DCP1B: variants seen among roughly 807,000 people sequenced by gnomAD.
DCP1B encodes decapping mRNA 1B.
Under a neutral mutation model 60.5 loss-of-function variants are expected in DCP1B, and 47 were observed. The observed-to-expected ratio is 0.78, with a 90% CI of 0.61 to 0.99. The LOEUF is 0.99. Ranked by LOEUF, DCP1B falls within the 50% of genes least tolerant of loss-of-function variation. The pLI, the probability that DCP1B is intolerant of heterozygous loss-of-function variation, is 0.00. For missense variants in DCP1B, 725 were observed against 756.8 expected (o/e 0.96, Z 0.49); for synonymous variants, 267 against 280.3 (o/e 0.95, Z 0.47).
At chr12:1,955,628 T>C in intron 5 of DCP1B, 68 bp from the exon 6 acceptor site, 1 of 1,501,666 alleles carries the variant, frequency 6.7e-7, no homozygotes, top group Non-Finnish European at 9.0e-7. Context: ...AAAGACTACC[T>C]TTTTACTTCT....
intron 3 of DCP1B, among the ~76,000 whole-genome samples, chr12:1,972,938 G>A (rs1374211934): frequency 2.6e-5 from 4 of 152,138 alleles, no homozygotes; most frequent in African/African-American, 4.8e-5. Context: ...CAGCAATGAC[G>A]CTGCCTGTGT....
At chr12:1,997,300 G>A (rs1393456405) in intron 2 of DCP1B, among the ~76,000 whole-genome samples, 2 of 152,128 alleles carry the variant, frequency 1.3e-5, no homozygotes, top group Non-Finnish European at 1.5e-5. Flanking sequence ...AGGCCAAGGC[G>A]GGTGGATCAC....
intron 2 of DCP1B, 117 bp from the exon 3 acceptor site, chr12:1,993,508 T>C (rs1593255034): frequency 2.3e-6 from 3 of 1,278,324 alleles, no homozygotes; most frequent in South Asian, 1.5e-5. Context: ...TGCAGCTTTA[T>C]ATAAGCAGCC....
chr12:1,955,654 C>G, intron 5 of DCP1B, 94 bp from the exon 6 acceptor site: 1 of 1,379,460 alleles, frequency 7.2e-7, no homozygotes, highest in Non-Finnish European at 9.7e-7. Context: ...AATTGGTAGA[C>G]GGCTGTGTTT....
rs1301101541 is a variant in DCP1B, at chr12:1,946,301, G to A, written c.1774-15C>T. On this transcript the variant is annotated splice_polypyrimidine_tract_variant and intron_variant, in intron 8 of 8. Coordinates refer to ENST00000280665, the MANE Select transcript of DCP1B (RefSeq NM_152640.5). Reference sequence around the variant, plus strand: ...TTGTCATCATTCTGGAAAACAAATCGAAAGACCCAAGAGAATGTTACTTGG... The same window carrying A: ...TTGTCATCATTCTGGAAAACAAATCAAAAGACCCAAGAGAATGTTACTTGG... The A allele has an allele frequency of 1.9e-6, 3 of 1,590,712 alleles. No individual in the cohort carries two copies. Among genetic ancestry groups the A allele is most frequent in the Non-Finnish European group, 2.6e-6 (3 of 1,168,472 alleles).
chr12:1,976,525 TC>T (rs2034415091), intron 3 of DCP1B, among the ~76,000 whole-genome samples: 1 of 152,182 alleles, frequency 6.6e-6, no homozygotes, highest in African/African-American at 2.4e-5. Context: ...CGGCTCCCAT[TC>T]CTCACTGCTC....
In DCP1B at chr12:1,952,264, C is replaced by T; in HGVS notation, c.1524+152G>A. On this transcript the variant is annotated intron_variant, in intron 7 of 8. Coordinates refer to ENST00000280665, the MANE Select transcript of DCP1B (RefSeq NM_152640.5). The stretch of plus-strand genomic sequence containing the variant: ...TCATGGTTCACTGTAACCTCCGCCT[C>T]TTGAGCTCAAGGGATCCTCCCACCT... 2 of 954,164 alleles carry T rather than the reference C, an allele frequency of 2.1e-6. 1 individual carries two copies. The highest frequency in any genetic ancestry group is 5.0e-5 in the South Asian group (2 of 40,188). The allele number at this position is 954,164 out of a possible 1,614,324, so 59.1% of individuals were successfully genotyped here. A position where few individuals can be genotyped will look rare whatever the true frequency, so the allele number is the denominator to read the frequency against.
intron 3 of DCP1B, among the ~76,000 whole-genome samples, chr12:1,983,870 C>T (rs970176853): frequency 2.0e-5 from 3 of 151,872 alleles, no homozygotes; most frequent in Admixed American, 6.6e-5. Flanking sequence ...CTTCTCCTTT[C>T]GGTTCTATCA....
intron 1 of DCP1B, among the ~76,000 whole-genome samples, chr12:1,998,913 C>T (rs1361792530): frequency 6.6e-6 from 1 of 152,148 alleles, no homozygotes; most frequent in African/African-American, 2.4e-5. Context: ...AATTTAAGTA[C>T]TCTGTAATTC....
At chr12:1,980,378 C>G (rs1413224144) in intron 3 of DCP1B, among the ~76,000 whole-genome samples, 3 of 152,096 alleles carry the variant, frequency 2.0e-5, no homozygotes, top group African/African-American at 4.8e-5. Context: ...TGTATATCTT[C>G]TTTTTAAAAG....
In DCP1B at chr12:2,004,427, GCCATCTTC is replaced by G; in HGVS notation, c.-4_4del. The stretch of plus-strand genomic sequence containing the variant: ...CACCAGGCCGCCTGCCGCCACGGCT[GCCATCTTC>G]CCTCCCTCCCAGACATAGGCACGGG... On this transcript the variant is annotated start_lost and 5_prime_UTR_variant, in exon 1 of 9. Coordinates refer to ENST00000280665, the MANE Select transcript of DCP1B (RefSeq NM_152640.5). The G allele has an allele frequency of 6.2e-7, 1 of 1,608,740 alleles. No homozygotes were observed. The highest frequency in any genetic ancestry group is 8.5e-7 in the Non-Finnish European group (1 of 1,178,036).
chr12:1,998,560 T>G (rs1253759983), intron 1 of DCP1B, among the ~76,000 whole-genome samples: 2 of 152,190 alleles, frequency 1.3e-5, no homozygotes, highest in African/African-American at 4.8e-5. Flanking sequence ...TGACCCGAGA[T>G]CACTGAAGTA....
At chr12:1,951,404 A>T (rs1717448276) in intron 7 of DCP1B, among the ~76,000 whole-genome samples, 1 of 152,276 alleles carries the variant, frequency 6.6e-6, no homozygotes, top group South Asian at 2.1e-4. Context: ...TCCAAAGGGA[A>T]AACAATTCAA....
intron 7 of DCP1B, 25 bp from the exon 8 acceptor site, chr12:1,949,359 G>A (rs184470914): frequency 1.9e-6 from 3 of 1,608,268 alleles, no homozygotes; most frequent in African/African-American, 2.7e-5. Context: ...TACACACAGA[G>A]AGCGGGGTTC....
At chr12:1,975,213 T>C (rs1041530956) in intron 3 of DCP1B, among the ~76,000 whole-genome samples, 1 of 152,162 alleles carries the variant, frequency 6.6e-6, no homozygotes, top group Non-Finnish European at 1.5e-5. Context: ...AAACCCTTTA[T>C]GTTTAAACAG....
intron 1 of DCP1B, among the ~76,000 whole-genome samples, chr12:2,000,309 A>G (rs2041890568): frequency 6.6e-6 from 1 of 152,202 alleles, no homozygotes; most frequent in Non-Finnish European, 1.5e-5. Flanking sequence ...CACTCCCCAC[A>G]AGATCAAAAC....
At chr12:1,986,863 T>C (rs1203417608) in intron 3 of DCP1B, among the ~76,000 whole-genome samples, 1 of 152,232 alleles carries the variant, frequency 6.6e-6, no homozygotes, top group African/African-American at 2.4e-5. Context: ...CCAGAACTTT[T>C]AGTTGTAAAC....
rs1407456999 is a variant in DCP1B, at chr12:1,993,026, C to T, written c.319+238G>A. The T allele has an allele frequency of 7.6e-6, 5 of 657,116 alleles. No homozygotes were observed. In the Admixed American group the frequency reaches 1.3e-4, roughly 17 times the overall value. 40.7% of individuals were successfully genotyped at this position (657,116 alleles called of 1,614,324 possible). ...GGGTTCACACTACAAATCCATAAAG[C>T]TTCAAAAGACAGGGTTTAGGTTTAT... On this transcript the variant is annotated intron_variant, in intron 3 of 8. Coordinates refer to ENST00000280665, the MANE Select transcript of DCP1B (RefSeq NM_152640.5).
intron 3 of DCP1B, among the ~76,000 whole-genome samples, chr12:1,989,453 G>A (rs1335971173): frequency 1.3e-5 from 2 of 152,232 alleles, no homozygotes; most frequent in African/African-American, 2.4e-5. Context: ...GGTGGCTCAC[G>A]CCTATAATCC....
Sources: gnomAD v4.1 joint callset for allele counts (sites outside exome capture counted in the v4.1 genomes callset) on GRCh38, gnomAD v4.1.1 for gene constraint, MANE v1.5 for transcripts, NCBI Gene and HGNC (gene_info 2026-07-23, HGNC 2026-07-21) for gene names.